Variants in DOCK8 observed in about 807,000 individuals in gnomAD.
DOCK8 encodes the protein dedicator of cytokinesis protein 8.
In DOCK8, 141 loss-of-function variants were observed where a neutral mutation model predicts 245.6. The observed-to-expected ratio is 0.57, with a 90% confidence interval of 0.50 to 0.66. DOCK8 has a LOEUF of 0.66. Ranked by LOEUF, DOCK8 falls within the 30% of genes least tolerant of loss-of-function variation. The pLI, the probability that DOCK8 is intolerant of heterozygous loss-of-function variation, is 0.00. For synonymous variants in DOCK8, 1,168 were observed against 970.2 expected, an observed-to-expected ratio of 1.20 and a Z score of -3.79; for missense variants, 2,965 against 2,603.4, an observed-to-expected ratio of 1.14 and a Z score of -3.02.
Position 382,531 on chromosome 9 carries a change from T to G in DOCK8, c.2624T>G (p.Leu875Arg). ...GGTGCAGGCGCTCCCACTGCCCTCCTAGACCCTCGGAGCTACCACACGTAT... is the reference window on the plus strand; with the variant it reads ...GGTGCAGGCGCTCCCACTGCCCTCCGAGACCCTCGGAGCTACCACACGTAT... Reference protein sequence around the residue: ...VPKSGAPTALLDPRSYHTYGR... With the variant: ...VPKSGAPTALRDPRSYHTYGR... The change falls in exon 22 of 48, where the codon CTA becomes CGA. Residue 875 changes from leucine to arginine, a missense_variant. By Grantham distance (102) the Leu-to-Arg change is moderately radical. Transcript: ENST00000432829. 1 of 1,613,884 alleles carries G rather than the reference T, an allele frequency of 6.2e-7. No homozygotes were observed. The highest frequency in any genetic ancestry group is 8.5e-7 in the Non-Finnish European group (1 of 1,179,884).
upstream of DOCK8, chr9:213,291 G>A (rs680144): frequency 0.39 from 59,442 of 151,814 alleles, 11,862 homozygotes; most frequent in African/African-American, 0.47. Context: ...CTGAAACCAG[G>A]AAGGAAGGCT....
At chr9:306,921 A>AG (rs2049860095) in intron 5 of DOCK8, among the ~76,000 whole-genome samples, 1 of 151,972 alleles carries the variant, frequency 6.6e-6, no homozygotes, top group African/African-American at 2.4e-5. Flanking sequence ...AAGATCTCAG[A>AG]GGGAAAAACC....
At chr9:298,141 A>T (rs1433833697) in intron 4 of DOCK8, among the ~76,000 whole-genome samples, 3 of 152,192 alleles carry the variant, frequency 2.0e-5, no homozygotes, top group African/African-American at 7.2e-5. Flanking sequence ...ATTTGATTTT[A>T]GGGCCAGGTG....
At chr9:397,211 G>A (rs7047040) in intron 25 of DOCK8, among the ~76,000 whole-genome samples, 1 of 151,562 alleles carries the variant, frequency 6.6e-6, no homozygotes, top group African/African-American at 2.4e-5. Flanking sequence ...AATTAGCTGA[G>A]CATGGTTGTG....
At chr9:246,039 G>A (rs188415385) in intron 1 of DOCK8, among the ~76,000 whole-genome samples, 84 of 152,268 alleles carry the variant, frequency 5.5e-4, no homozygotes, top group Non-Finnish European at 1.0e-3. Context: ...GGGCAACATG[G>A]TGAAACCTAG....
chr9:445,506 G>C (rs187881486), intron 43 of DOCK8, among the ~76,000 whole-genome samples: 1 of 152,152 alleles, frequency 6.6e-6, no homozygotes, highest in Non-Finnish European at 1.5e-5. Flanking sequence ...ATGAGGCCTA[G>C]GCAGTAAAAT....
intron 29 of DOCK8, among the ~76,000 whole-genome samples, chr9:415,787 T>G (rs1564036475): frequency 6.6e-6 from 1 of 152,152 alleles, no homozygotes; most frequent in Non-Finnish European, 1.5e-5. Flanking sequence ...GCTGCTCTCT[T>G]GGCAGCTGAA....
chr9:330,213 AAG>A (rs1323533638), intron 9 of DOCK8, among the ~76,000 whole-genome samples: 3 of 152,208 alleles, frequency 2.0e-5, no homozygotes, highest in African/African-American at 7.2e-5. Context: ...TTTTTTTAAA[AAG>A]AATTTGTTTT....
intron 2 of DOCK8, among the ~76,000 whole-genome samples, chr9:275,567 G>A (rs2094459): frequency 0.52 from 78,836 of 151,922 alleles, 21,393 homozygotes; most frequent in African/African-American, 0.68. Context: ...CATTTAAACA[G>A]CTCTGTTATT....
chr9:276,561 G>A (rs1237478640), intron 2 of DOCK8, among the ~76,000 whole-genome samples: 1 of 152,184 alleles, frequency 6.6e-6, no homozygotes, highest in Admixed American at 6.5e-5. Flanking sequence ...TAGATGTGAT[G>A]ATAAACTTGT....
chr9:447,027 C>A (rs947351166), intron 44 of DOCK8, among the ~76,000 whole-genome samples: 7 of 152,094 alleles, frequency 4.6e-5, no homozygotes, highest in African/African-American at 1.7e-4. Flanking sequence ...TGGGCAGCCC[C>A]AGTGAGGCGG....
chr9:386,834 C>G (rs2053976190), intron 23 of DOCK8, among the ~76,000 whole-genome samples: 1 of 152,194 alleles, frequency 6.6e-6, no homozygotes, highest in Non-Finnish European at 1.5e-5. Flanking sequence ...AAGCTGGGCA[C>G]AAGTCATCCT....
rs983378889 is a variant in DOCK8 at position 368,360 on chromosome 9, G to C, written c.1797+225G>C. 7.0e-6 allele frequency: 5 copies of C among 711,986 alleles called. No individual in the cohort carries two copies. The South Asian group carries it at 7.4e-5, about 11-fold the overall frequency. 44.1% of individuals were successfully genotyped at this position (711,986 alleles called of 1,614,324 possible). A position where few individuals can be genotyped will look rare whatever the true frequency, so the allele number is the denominator to read the frequency against. On this transcript the variant is annotated intron_variant, in intron 15 of 47. Transcript: ENST00000432829. ...TTCTGTAGTGAGCTTGGAACATACA[G>C]ATCATTTTAGAGGATTAAAAAAAGT...
intron 3 of DOCK8, among the ~76,000 whole-genome samples, chr9:289,183 A>G (rs915020880): frequency 6.6e-6 from 1 of 152,196 alleles, no homozygotes; most frequent in Non-Finnish European, 1.5e-5. Flanking sequence ...AGGTATTTAT[A>G]CTTATTTTCC....
At chr9:261,691 GTT>G (rs748073034) in intron 1 of DOCK8, among the ~76,000 whole-genome samples, 5 of 152,120 alleles carry the variant, frequency 3.3e-5, no homozygotes, top group Non-Finnish European at 4.4e-5. Flanking sequence ...ACAGAAGTAT[GTT>G]TGAAACTTTT....
chr9:348,330 A>C (rs1174879431), intron 14 of DOCK8, among the ~76,000 whole-genome samples: 1 of 152,214 alleles, frequency 6.6e-6, no homozygotes, highest in African/African-American at 2.4e-5. Flanking sequence ...AGGTAGGAGT[A>C]AGGAGGTGCT....
chr9:273,140 A>T, intron 2 of DOCK8: 1 of 899,568 alleles, frequency 1.1e-6, no homozygotes, highest in Non-Finnish European at 1.3e-6. Context: ...TTTCAGAAGG[A>T]TAATTTGTGT....
chr9:300,285 A>G (rs1036990423), intron 4 of DOCK8, among the ~76,000 whole-genome samples: 1 of 152,226 alleles, frequency 6.6e-6, no homozygotes, highest in African/African-American at 2.4e-5. Flanking sequence ...TTGTATTTGT[A>G]TAATTGCTAG....
At chr9:228,347 C>A (rs1191954962) in intron 1 of DOCK8, among the ~76,000 whole-genome samples, 1 of 152,250 alleles carries the variant, frequency 6.6e-6, no homozygotes, top group East Asian at 1.9e-4. Context: ...AGCATTAAGA[C>A]TTCTAACAAT....
Sources: allele counts gnomAD v4.1 joint callset (sites outside exome capture counted in the v4.1 genomes callset), GRCh38; gene constraint gnomAD v4.1.1; transcripts MANE v1.5; gene names NCBI Gene and HGNC (gene_info 2026-07-23, HGNC 2026-07-21).